The following TSPAN4 variants were observed in gnomAD, a reference collection of about 807,000 sequenced individuals.
TSPAN4 encodes the protein tetraspanin 4.
A neutral mutation model predicts 31.5 loss-of-function variants in TSPAN4; 38 were observed. The observed-to-expected ratio is 1.21, with a 90% confidence interval of 0.93 to 1.58. The LOEUF (loss-of-function observed/expected upper bound fraction) is 1.58, where lower values mean the gene tolerates loss of function less well. TSPAN4 is among the 40% of genes most tolerant of loss of function. The pLI, the probability that TSPAN4 is intolerant of heterozygous loss-of-function variation, is 0.00. For missense variants in TSPAN4, 330 were observed against 317.3 expected, an observed-to-expected ratio of 1.04 and a Z score of -0.30; for synonymous variants, 186 against 144.6, an observed-to-expected ratio of 1.29 and a Z score of -2.06.
At chr11:864,084 A>C in intron 4 of TSPAN4, 1 of 353,308 alleles carries the variant, frequency 2.8e-6, no homozygotes, top group Non-Finnish European at 5.3e-6. Context: ...AGGCCCCTGG[A>C]TGGAGGTGTC....
intron 4 of TSPAN4, chr11:863,354 T>C (rs1589793785): frequency 6.6e-6 from 1 of 152,290 alleles, no homozygotes. Flanking sequence ...GCGGAGGGTG[T>C]GCAGCCTGCT....
Position 862,532 on chromosome 11 carries a change from C to A in TSPAN4, c.64-18C>A. 6.3e-7 allele frequency: 1 copy of A among 1,592,484 alleles called. No individual in the cohort carries two copies. Among genetic ancestry groups the A allele is most frequent in the Non-Finnish European group, 8.5e-7 (1 of 1,171,386 alleles). On this transcript the variant is annotated intron_variant, in intron 3 of 8. Transcript: ENST00000397397. Reference sequence around the variant, plus strand: ...GGGGCCTCACCCTGTCTGTGTCTCTCCTGTTGCTGTGCCCCAGCTGGGAGG... The same window carrying A: ...GGGGCCTCACCCTGTCTGTGTCTCTACTGTTGCTGTGCCCCAGCTGGGAGG...
At position 866,879 on chromosome 11, in the gene TSPAN4, G is replaced by T. The variant is rs755429221; in HGVS notation, c.*249G>T. On this transcript the variant is annotated 3_prime_UTR_variant, in exon 9 of 9. Transcript: ENST00000397397. ...CGGAACCCAGGGCAGGGGTGGGAGG[G>T]GCCTCCAGCACTTTTTATATTTACG... The T allele has an allele frequency of 4.1e-6, 2 of 487,484 alleles. No homozygotes were observed. The highest frequency in any genetic ancestry group is 7.3e-6 in the Non-Finnish European group (2 of 273,272). The allele number at this position is 487,484 out of a possible 1,614,324, so 30.2% of individuals were successfully genotyped here. A position where few individuals can be genotyped will look rare whatever the true frequency, so the allele number is the denominator to read the frequency against.
chr11:864,468 T>G lies in TSPAN4; in HGVS notation c.287T>G (p.Leu96Arg). ...CTGCTGCTGCTGCTGGTGTTCCTGC[T>G]GGAGGCCACCATCGCCATCCTCTTC... The part of the protein sequence containing the change: ...FFLLLLLVFL[L>R]EATIAILFFA... The change falls in exon 5 of 9, where the codon CTG (leucine) becomes CGG (arginine). Residue 96 changes from leucine (L) to arginine (R), a missense_variant. Coordinates refer to ENST00000397397, the MANE Select transcript of TSPAN4 (RefSeq NM_003271.5). The G allele has an allele frequency of 6.2e-7, 1 of 1,612,896 alleles. No individual in the cohort carries two copies. Among genetic ancestry groups the G allele is most frequent in the Non-Finnish European group, 8.5e-7 (1 of 1,179,940 alleles).
chr11:865,561 G>C lies in TSPAN4; in HGVS notation c.379G>C (p.Gly127Arg). 1.2e-6 allele frequency: 2 copies of C among 1,612,612 alleles called. No homozygotes were observed. The highest frequency in any genetic ancestry group is 1.7e-6 in the Non-Finnish European group (2 of 1,179,878). ...QDLKKGLHLY[G>R]TQGNVGLTNA... Reference sequence around the variant, plus strand: ...CCTGAAGAAAGGCTTGCACCTGTACGGCACGCAGGGCAACGTGGGCCTCAC... The same window carrying C: ...CCTGAAGAAAGGCTTGCACCTGTACCGCACGCAGGGCAACGTGGGCCTCAC... The change falls in exon 6 of 9, where the codon GGC becomes CGC. Residue 127 changes from glycine to arginine, a missense_variant. By Grantham distance (125) the Gly-to-Arg change is moderately radical. Coordinates refer to ENST00000397397, the MANE Select transcript of TSPAN4 (RefSeq NM_003271.5).
intron 4 of TSPAN4, 56 bp downstream of exon 4, chr11:862,797 G>T (rs531092400): frequency 1.3e-6 from 2 of 1,507,962 alleles, no homozygotes; most frequent in East Asian, 2.4e-5. Context: ...GTGGGGCTCC[G>T]GTGGCCCCCA....
In TSPAN4 at chr11:864,813, G is replaced by A. The variant is rs144248154; in HGVS notation, c.330+302G>A. The A allele has an allele frequency of 7.0e-4, 362 of 515,280 alleles. 1 individual carries two copies. The highest frequency in any genetic ancestry group is 6.5e-3 in the African/African-American group (338 of 52,340). The allele number at this position is 515,280 out of a possible 1,614,324, so 31.9% of individuals were successfully genotyped here. A position where few individuals can be genotyped will look rare whatever the true frequency, so the allele number is the denominator to read the frequency against. On this transcript the variant is annotated intron_variant, in intron 5 of 8. Coordinates refer to ENST00000397397, the MANE Select transcript of TSPAN4 (RefSeq NM_003271.5). Reference sequence around the variant, plus strand: ...GCCGTCTGCTCCCAGCGCCCCATCCGGGCCGCGCACCGTGGGGTTCTCCTC... The same window carrying A: ...GCCGTCTGCTCCCAGCGCCCCATCCAGGCCGCGCACCGTGGGGTTCTCCTC...
Position 848,862 on chromosome 11 carries a change from C to T in TSPAN4, c.-17-1426C>T, listed in dbSNP as rs917775591. 3.0e-5 allele frequency: 21 copies of T among 695,908 alleles called. 1 individual carries two copies. The highest frequency in any genetic ancestry group is 2.0e-4 in the South Asian group (13 of 64,336). The allele number at this position is 695,908 out of a possible 1,614,324, so 43.1% of individuals were successfully genotyped here. The stretch of plus-strand genomic sequence containing the variant: ...AGCTGGGGGCCTCTGTCCCCATCTC[C>T]GGCTGTGGGAGGTGTGTGCGCATCC... On this transcript the variant is annotated intron_variant, in intron 2 of 8. Transcript: ENST00000397397. The surrounding 1 kb of genome is among the most constrained non-coding windows in gnomAD (Gnocchi z 5.7).
intron 3 of TSPAN4, 154 bp from the exon 4 acceptor site, chr11:862,396 C>A (rs924244299): frequency 3.0e-6 from 2 of 663,972 alleles, no homozygotes; most frequent in South Asian, 2.0e-5. Flanking sequence ...GACACCCCCC[C>A]GGGCTGCCGT....
intron 4 of TSPAN4, chr11:862,997 C>T: frequency 4.2e-6 from 2 of 476,174 alleles, no homozygotes; most frequent in South Asian, 6.2e-5. Context: ...GGGGCCTCCC[C>T]TGACGGGACA....
At chr11:854,297 G>T (rs1157599758) in intron 3 of TSPAN4, among the ~76,000 whole-genome samples, 1 of 152,180 alleles carries the variant, frequency 6.6e-6, no homozygotes, top group East Asian at 1.9e-4. Context: ...TCTCCGCACT[G>T]TATGGTTAGG....
intron 3 of TSPAN4, among the ~76,000 whole-genome samples, chr11:860,651 C>T (rs931182051): frequency 6.6e-6 from 1 of 152,154 alleles, no homozygotes; most frequent in African/African-American, 2.4e-5. Context: ...TGGTTTCTGT[C>T]TGGAAAGTGG....
chr11:865,893 A>G (rs1333047676), intron 7 of TSPAN4, 25 bp from the exon 8 acceptor site: 1 of 1,612,858 alleles, frequency 6.2e-7, no homozygotes, highest in Non-Finnish European at 8.5e-7. Context: ...CCCTGCCGTG[A>G]CACGCATGAC....
chr11:864,346 C>A, intron 4 of TSPAN4, 91 bp from the exon 5 acceptor site: 2 of 1,502,602 alleles, frequency 1.3e-6, no homozygotes, highest in Non-Finnish European at 9.2e-7. Context: ...CACCAGGTAT[C>A]CATGAGGTAC....
At chr11:849,643 G>A (rs983508610) in intron 2 of TSPAN4, among the ~76,000 whole-genome samples, 4 of 152,026 alleles carry the variant, frequency 2.6e-5, no homozygotes, top group Admixed American at 6.5e-5. Context: ...GGGGGGCTGG[G>A]GCGCCGGCGC....
At chr11:855,327 G>A (rs757539131) in intron 3 of TSPAN4, among the ~76,000 whole-genome samples, 13 of 152,326 alleles carry the variant, frequency 8.5e-5, no homozygotes, top group Non-Finnish European at 1.2e-4. Context: ...TTCCAGCCGC[G>A]CTTGTGCGAT....
intron 3 of TSPAN4, among the ~76,000 whole-genome samples, chr11:853,613 G>A (rs1245930132): frequency 6.6e-6 from 1 of 152,202 alleles, no homozygotes; most frequent in East Asian, 1.9e-4. Flanking sequence ...GGTTCCTGGG[G>A]CAGCCAGGGT....
At chr11:846,405 C>T (rs979906540) in intron 1 of TSPAN4, among the ~76,000 whole-genome samples, 11 of 152,210 alleles carry the variant, frequency 7.2e-5, no homozygotes, top group Non-Finnish European at 5.9e-5. Flanking sequence ...GGGGCTCTCG[C>T]TCAGCCAGGG....
At chr11:857,266 A>C (rs1848104579) in intron 3 of TSPAN4, 1 of 151,502 alleles carries the variant, frequency 6.6e-6, no homozygotes, top group African/African-American at 2.4e-5. Flanking sequence ...GGCACCAGTC[A>C]CTCTGCACAT....
Sources: allele counts gnomAD v4.1 joint callset (sites outside exome capture counted in the v4.1 genomes callset), GRCh38; gene constraint gnomAD v4.1.1; non-coding constraint Gnocchi (gnomAD v3.1); transcripts MANE v1.5; gene names NCBI Gene and HGNC (gene_info 2026-07-23, HGNC 2026-07-21).